Variants in ZBTB46 observed in about 807,000 individuals in gnomAD.
ZBTB46 encodes the protein zinc finger and BTB domain containing 46.
A neutral mutation model predicts 44.1 loss-of-function variants in ZBTB46; 8 were observed. The ratio of observed to expected loss-of-function variants is 0.18; its 90% CI spans 0.11 to 0.33. The LOEUF (loss-of-function observed/expected upper bound fraction) is 0.33, where lower values mean the gene tolerates loss of function less well. Among genes scored for constraint, ZBTB46 ranks in the 10% least tolerant of loss-of-function variants. The pLI is 1.00. For synonymous variants in ZBTB46, 409 were observed against 382.3 expected (o/e 1.07, Z -0.81); for missense variants, 651 against 847.7 (o/e 0.77, Z 2.88).
chr20:63,747,706 T>A (rs564845253), intron 4 of ZBTB46, among the ~76,000 whole-genome samples: 2 of 152,172 alleles, frequency 1.3e-5, no homozygotes, highest in Admixed American at 1.3e-4. Flanking sequence ...GAACTGCAGG[T>A]GGCACCAAGG....
At chr20:63,802,690 C>T (rs2092656024) in intron 1 of ZBTB46, among the ~76,000 whole-genome samples, 3 of 139,548 alleles carry the variant, frequency 2.1e-5, no homozygotes, top group Non-Finnish European at 4.6e-5. Flanking sequence ...GGAACCGCCG[C>T]GGCCGACGAC....
chr20:63,776,067 T>G, intron 2 of ZBTB46, 105 bp from the exon 3 acceptor site: 1 of 1,379,530 alleles, frequency 7.2e-7, no homozygotes, highest in East Asian at 2.5e-5. Context: ...CTGCCTGAGC[T>G]ACAGAGCAGC....
chr20:63,815,688 AGTGCAG>A (rs1242954849), intron 1 of ZBTB46, among the ~76,000 whole-genome samples: 1 of 120,896 alleles, frequency 8.3e-6, no homozygotes, highest in Non-Finnish European at 1.7e-5. Context: ...AGGTGCAGTG[AGTGCAG>A]GTGCAGGTGG....
At chr20:63,763,811 C>T (rs1285565526) in intron 3 of ZBTB46, among the ~76,000 whole-genome samples, 1 of 152,120 alleles carries the variant, frequency 6.6e-6, no homozygotes, top group Non-Finnish European at 1.5e-5. Context: ...CAGAACCACA[C>T]GACAGTTAAC....
chr20:63,747,801 G>A (rs750254177), intron 4 of ZBTB46, among the ~76,000 whole-genome samples: 9 of 152,116 alleles, frequency 5.9e-5, no homozygotes, highest in African/African-American at 1.7e-4. Flanking sequence ...CAGTCTCAGC[G>A]TCTACACTGT....
intron 1 of ZBTB46, among the ~76,000 whole-genome samples, chr20:63,798,528 A>G (rs2092620025): frequency 6.6e-6 from 1 of 151,814 alleles, no homozygotes; most frequent in Admixed American, 6.6e-5. Flanking sequence ...TACAAAAATT[A>G]GCCGGGCATG....
At chr20:63,789,052 G>C (rs2092538715) in intron 2 of ZBTB46, among the ~76,000 whole-genome samples, 1 of 151,290 alleles carries the variant, frequency 6.6e-6, no homozygotes, top group Non-Finnish European at 1.5e-5. Context: ...CCCGACCTCA[G>C]GTGATCCACC....
chr20:63,772,720 AAAACAC>A (rs1477839898), intron 3 of ZBTB46, among the ~76,000 whole-genome samples: 3 of 113,250 alleles, frequency 2.6e-5, no homozygotes, highest in African/African-American at 3.6e-5. Context: ...CCCTGTCTCA[AAAACAC>A]ACACACACAC....
chr20:63,771,201 C>T (rs181380819), intron 3 of ZBTB46, among the ~76,000 whole-genome samples: 100 of 152,304 alleles, frequency 6.6e-4, no homozygotes, highest in African/African-American at 2.3e-3. Context: ...TTCTCTCTTC[C>T]GACAGGGAGC....
At chr20:63,827,705 T>C (rs67563752) in intron 1 of ZBTB46, among the ~76,000 whole-genome samples, 27,205 of 151,758 alleles carry the variant, frequency 0.18, 2,942 homozygotes, top group East Asian at 0.46. Flanking sequence ...TATTGTAAAA[T>C]AGCTATGGTA....
upstream of ZBTB46, among the ~76,000 whole-genome samples, chr20:63,833,776 G>A (rs1008853963): frequency 1.3e-5 from 2 of 152,196 alleles, no homozygotes; most frequent in African/African-American, 2.4e-5. Context: ...GCCTGGAGAC[G>A]AAGACAGTAT....
At chr20:63,833,085 T>C (rs1012352072), upstream of ZBTB46, among the ~76,000 whole-genome samples, 5 of 152,196 alleles carry the variant, frequency 3.3e-5, no homozygotes, top group Non-Finnish European at 5.9e-5. Context: ...CCAAGATGTC[T>C]GGACCTCCCT....
chr20:63,824,279 A>G (rs539245601), intron 1 of ZBTB46, among the ~76,000 whole-genome samples: 1 of 152,184 alleles, frequency 6.6e-6, no homozygotes, highest in African/African-American at 2.4e-5. Flanking sequence ...TCTGTCCTCC[A>G]CCCCTAAAGG....
rs1200971842 is a variant in ZBTB46 at position 63,831,192 on chromosome 20, CG to C, written c.-130del. 1 of 142,390 alleles carries C rather than the reference CG, an allele frequency of 7.0e-6. No individual in the cohort carries two copies. Among genetic ancestry groups the C allele is most frequent in the East Asian group, 2.1e-4 (1 of 4,664 alleles). 8.8% of individuals were successfully genotyped at this position (142,390 alleles called of 1,614,324 possible). A position where few individuals can be genotyped will look rare whatever the true frequency, so the allele number is the denominator to read the frequency against. Reference sequence around the variant, plus strand: ...CCGCCGGGAGGGCGCTGCGTCCGGGCGGGTCCGAGCTGCGCGCTCGCCGGGG... The same window carrying C: ...CCGCCGGGAGGGCGCTGCGTCCGGGCGGTCCGAGCTGCGCGCTCGCCGGGG... On this transcript the variant is annotated 5_prime_UTR_variant, in exon 1 of 5. Coordinates refer to ENST00000245663, the MANE Select transcript of ZBTB46 (RefSeq NM_001369741.1).
intron 3 of ZBTB46, among the ~76,000 whole-genome samples, chr20:63,764,079 C>T (rs1009765836): frequency 2.6e-5 from 4 of 152,036 alleles, no homozygotes; most frequent in Non-Finnish European, 5.9e-5. Context: ...AGCGATCCTC[C>T]CACCTCAGCC....
intron 1 of ZBTB46, among the ~76,000 whole-genome samples, chr20:63,809,317 C>T (rs1006571564): frequency 1.8e-4 from 27 of 152,226 alleles, no homozygotes; most frequent in Admixed American, 1.0e-3. Flanking sequence ...GAATGGGGTC[C>T]TGGGGTTCGG....
Position 63,746,964 on chromosome 20 carries a change from C to T in ZBTB46, c.1736G>A (p.Gly579Glu). Residue 579 changes from glycine to glutamate, a missense_variant, in exon 5 of 5, where the codon GGA (glycine) becomes GAA (glutamate). Around this residue, in one of 5 missense-constraint regions of ZBTB46, gnomAD observed 106 missense variants for 81.0 expected, o/e 1.31. Coordinates refer to ENST00000245663, the MANE Select transcript of ZBTB46 (RefSeq NM_001369741.1). Reference sequence around the variant, plus strand: ...CCAGGCGAAGTCCTTGTCAGGGCCTCCTGGGGGGCTGCGCGGCCGCGGCGA... The same window carrying T: ...CCAGGCGAAGTCCTTGTCAGGGCCTTCTGGGGGGCTGCGCGGCCGCGGCGA... ...EDSPRPRSPP[G>E]GPDKDFAWLS 1.3e-6 allele frequency: 2 copies of T among 1,594,092 alleles called. No homozygotes were observed. Among genetic ancestry groups the T allele is most frequent in the African/African-American group, 1.3e-5 (1 of 74,776 alleles).
At chr20:63,822,268 G>A (rs1459003799) in intron 1 of ZBTB46, among the ~76,000 whole-genome samples, 3 of 152,184 alleles carry the variant, frequency 2.0e-5, no homozygotes, top group East Asian at 3.8e-4. Context: ...AATAAACGAC[G>A]GGACACACGT....
At chr20:63,751,944 G>A (rs1005023295) in intron 4 of ZBTB46, among the ~76,000 whole-genome samples, 1 of 152,126 alleles carries the variant, frequency 6.6e-6, no homozygotes. Flanking sequence ...TGGCAGCGAT[G>A]CTCCAGAGCC....
Sources: gnomAD v4.1 joint callset for allele counts (sites outside exome capture counted in the v4.1 genomes callset) on GRCh38, gnomAD v4.1.1 for gene constraint, gnomAD v4.1.1 regional missense constraint, MANE v1.5 for transcripts, NCBI Gene and HGNC (gene_info 2026-07-23, HGNC 2026-07-21) for gene names.